PCDH7: variants seen among roughly 807,000 people sequenced by gnomAD.
PCDH7 encodes the protein protocadherin-7.
A neutral mutation model predicts 58.9 loss-of-function variants in PCDH7; 17 were observed. The ratio of observed to expected loss-of-function variants is 0.29; its 90% CI spans 0.20 to 0.43. The LOEUF (loss-of-function observed/expected upper bound fraction) is 0.43, where lower values mean the gene tolerates loss of function less well. Among genes scored for constraint, PCDH7 ranks in the 20% least tolerant of loss-of-function variants. The pLI is 1.00. For synonymous variants in PCDH7, 664 were observed against 616.4 expected, an observed-to-expected ratio of 1.08 and a Z score of -1.14; for missense variants, 1,274 against 1,441.0, an observed-to-expected ratio of 0.88 and a Z score of 1.88.
intron 3 of PCDH7, among the ~76,000 whole-genome samples, chr4:31,079,392 G>C (rs1337351066): frequency 1.6e-5 from 2 of 122,404 alleles, no homozygotes; most frequent in African/African-American, 6.1e-5. Flanking sequence ...AGACAGAATA[G>C]CAGTGGATGT....
chr4:30,721,566 C>T lies in PCDH7; in HGVS notation c.144C>T (p.Ile48=). The T allele has an allele frequency of 6.2e-7, 1 of 1,606,744 alleles. No homozygotes were observed. The highest frequency in any genetic ancestry group is 8.5e-7 in the Non-Finnish European group (1 of 1,179,864). ...AGGAGGGCCCCGCCGACGTCCGCAT[C>T]GGCAACGTGGCTTCAGACCTGGGCA... The change falls in exon 1 of 2, where the codon ATC becomes ATT. Residue 48 remains isoleucine, a synonymous_variant. Transcript: ENST00000361762. This position sits in a 1 kb window ranked among gnomAD's most constrained non-coding sequence, Gnocchi z 6.7.
At chr4:31,081,404 G>T (rs1284568236) in intron 3 of PCDH7, among the ~76,000 whole-genome samples, 1 of 152,066 alleles carries the variant, frequency 6.6e-6, no homozygotes, top group East Asian at 1.9e-4. Flanking sequence ...TATATTATAT[G>T]CACATTTTGA....
intron 2 of PCDH7, among the ~76,000 whole-genome samples, chr4:30,941,557 G>A (rs374261611): frequency 6.6e-6 from 1 of 151,910 alleles, no homozygotes; most frequent in South Asian, 2.1e-4. Flanking sequence ...AGAGGAGGGA[G>A]GTAACAAGTT....
intron 3 of PCDH7, among the ~76,000 whole-genome samples, chr4:31,138,008 A>G (rs1169424767): frequency 6.6e-6 from 1 of 152,130 alleles, no homozygotes; most frequent in Non-Finnish European, 1.5e-5. Flanking sequence ...CCTGGTGCAG[A>G]ACTGTCTTCA....
At chr4:30,779,747 G>A (rs1449804306) in intron 1 of PCDH7, among the ~76,000 whole-genome samples, 2 of 151,946 alleles carry the variant, frequency 1.3e-5, no homozygotes, top group African/African-American at 2.4e-5. Flanking sequence ...AACTGTTAGT[G>A]GGTTTATCAA....
chr4:31,053,153 G>A (rs1030882205), intron 3 of PCDH7, among the ~76,000 whole-genome samples: 1 of 152,014 alleles, frequency 6.6e-6, no homozygotes, highest in Non-Finnish European at 1.5e-5. Flanking sequence ...AAAAGCAAAA[G>A]CTTGTCTTCT....
chr4:30,729,262 G>A (rs1381744064), intron 1 of PCDH7, among the ~76,000 whole-genome samples: 1 of 152,006 alleles, frequency 6.6e-6, no homozygotes, highest in East Asian at 1.9e-4. Context: ...CTTTCTGTGT[G>A]TGTATTTCAA....
chr4:31,129,139 AAAGT>A (rs1224668099), intron 3 of PCDH7, among the ~76,000 whole-genome samples: 1 of 152,186 alleles, frequency 6.6e-6, no homozygotes, highest in Non-Finnish European at 1.5e-5. Context: ...CCTAGGATTC[AAAGT>A]ATGTACTTGA....
intron 1 of PCDH7, among the ~76,000 whole-genome samples, chr4:30,844,808 T>G (rs974808203): frequency 6.6e-6 from 1 of 152,312 alleles, no homozygotes; most frequent in African/African-American, 2.4e-5. Flanking sequence ...CACTAAGGTT[T>G]AACCCTTCTA....
rs116309141 is a variant in PCDH7 at position 30,765,486 on chromosome 4, C to T, written c.70+40890C>T. Among the ~76,000 whole-genome samples the T allele has an allele frequency of 4.6e-3, 706 of 152,260 alleles. 6 individuals carry two copies. The highest frequency in any genetic ancestry group is 0.016 in the African/African-American group (668 of 41,556). ...GTACCTTTAGTAGCATTAGAACCTGCTGTGCAAAGGTCTGCTCTGACTGAT... is the reference window on the plus strand; with the variant it reads ...GTACCTTTAGTAGCATTAGAACCTGTTGTGCAAAGGTCTGCTCTGACTGAT... On this transcript the variant is annotated intron_variant, in intron 1 of 3. Transcript: ENST00000509759.
chr4:30,996,853 A>G (rs1204471140), intron 3 of PCDH7, among the ~76,000 whole-genome samples: 1 of 152,214 alleles, frequency 6.6e-6, no homozygotes, highest in Non-Finnish European at 1.5e-5. Flanking sequence ...CTAATAATCC[A>G]TGGTGTAAAA....
At chr4:30,759,656 T>C in intron 1 of PCDH7, among the ~76,000 whole-genome samples, 1 of 152,110 alleles carries the variant, frequency 6.6e-6, no homozygotes, top group East Asian at 1.9e-4. Context: ...CATTACATTA[T>C]AAATAAATAT....
At chr4:30,797,182 C>T (rs947139321) in intron 1 of PCDH7, among the ~76,000 whole-genome samples, 18 of 150,726 alleles carry the variant, frequency 1.2e-4, no homozygotes, top group Admixed American at 7.3e-4. Context: ...GTGATCTGCC[C>T]GCCCCTGCCT....
intron 3 of PCDH7, among the ~76,000 whole-genome samples, chr4:31,100,957 T>C (rs1265663646): frequency 6.6e-6 from 1 of 152,188 alleles, no homozygotes; most frequent in African/African-American, 2.4e-5. Flanking sequence ...AACTCTAAAA[T>C]TAATTTTACC....
intron 3 of PCDH7, among the ~76,000 whole-genome samples, chr4:31,007,601 A>T (rs1462254703): frequency 1.7e-4 from 24 of 144,496 alleles, no homozygotes; most frequent in East Asian, 7.9e-4. Context: ...TTTTTTTTTT[A>T]AATATGTGGA....
At chr4:31,098,221 C>T (rs1312888407) in intron 3 of PCDH7, among the ~76,000 whole-genome samples, 2 of 152,194 alleles carry the variant, frequency 1.3e-5, no homozygotes, top group Non-Finnish European at 2.9e-5. Context: ...ATTGTGAAAG[C>T]ATATTATCAT....
chr4:30,864,650 G>T (rs1199129102), intron 1 of PCDH7, among the ~76,000 whole-genome samples: 1 of 152,006 alleles, frequency 6.6e-6, no homozygotes, highest in Non-Finnish European at 1.5e-5. Context: ...CTCTTCAGTG[G>T]TCCTATACTG....
intron 3 of PCDH7, among the ~76,000 whole-genome samples, chr4:31,034,767 C>T (rs1755244951): frequency 6.6e-6 from 1 of 152,080 alleles, no homozygotes; most frequent in African/African-American, 2.4e-5. Flanking sequence ...CATATCTTAT[C>T]TGTGAAATGC....
chr4:31,104,685 G>C (rs1715324487), intron 3 of PCDH7, among the ~76,000 whole-genome samples: 1 of 152,142 alleles, frequency 6.6e-6, no homozygotes, highest in Non-Finnish European at 1.5e-5. Flanking sequence ...AGCTTTCTAA[G>C]AGCGACGTGG....
Sources: gnomAD v4.1 joint callset for allele counts (sites outside exome capture counted in the v4.1 genomes callset) on GRCh38, gnomAD v4.1.1 for gene constraint, Gnocchi (gnomAD v3.1) non-coding constraint, MANE v1.5 for transcripts, NCBI Gene and HGNC (gene_info 2026-07-23, HGNC 2026-07-21) for gene names.